Variants in ASAP2 observed in about 807,000 individuals in gnomAD.
ASAP2 encodes arf-GAP with SH3 domain, ANK repeat and PH domain-containing protein 2.
In ASAP2, 45 loss-of-function variants were observed where a neutral mutation model predicts 131.4. The ratio of observed to expected loss-of-function variants is 0.34; its 90% CI spans 0.27 to 0.44. ASAP2 has a LOEUF of 0.44. ASAP2 is among the 20% of genes least tolerant of loss of function. ASAP2 has a pLI of 1.00. For missense variants in ASAP2, 1,011 were observed against 1,297.0 expected (o/e 0.78, Z 3.39); for synonymous variants, 510 against 503.0 (o/e 1.01, Z -0.19).
chr2:9,249,858 A>G (rs991015739), intron 1 of ASAP2, among the ~76,000 whole-genome samples: 6 of 152,210 alleles, frequency 3.9e-5, no homozygotes, highest in African/African-American at 1.4e-4. Flanking sequence ...ACACTCTGCT[A>G]GGCTTCCAGA....
chr2:9,373,688 C>T (rs938872314), intron 16 of ASAP2, among the ~76,000 whole-genome samples: 1 of 152,204 alleles, frequency 6.6e-6, no homozygotes, highest in African/African-American at 2.4e-5. Context: ...GGGAACCGTG[C>T]GGGGACTCCA....
chr2:9,285,171 C>T (rs1235872823), intron 2 of ASAP2, among the ~76,000 whole-genome samples: 1 of 152,060 alleles, frequency 6.6e-6, no homozygotes, highest in Non-Finnish European at 1.5e-5. Context: ...TTTTTGAATC[C>T]CTGCATTAGA....
chr2:9,342,477 C>G (rs925634300), intron 9 of ASAP2, among the ~76,000 whole-genome samples: 1 of 152,152 alleles, frequency 6.6e-6, no homozygotes. Context: ...GAACTTGGTC[C>G]CTTACCTCAC....
chr2:9,294,294 C>T (rs1442781730), intron 2 of ASAP2, among the ~76,000 whole-genome samples: 5 of 152,088 alleles, frequency 3.3e-5, no homozygotes, highest in Admixed American at 6.5e-5. Context: ...CCACCGTGTC[C>T]GGCCACTAAT....
At chr2:9,304,732 G>A (rs114823318) in intron 3 of ASAP2, among the ~76,000 whole-genome samples, 6,396 of 137,704 alleles carry the variant, frequency 0.046, 317 homozygotes, top group African/African-American at 0.14. Context: ...GACTAGTGGG[G>A]TATAGGTATT....
At chr2:9,321,784 G>A (rs1382820913) in intron 5 of ASAP2, among the ~76,000 whole-genome samples, 1 of 152,178 alleles carries the variant, frequency 6.6e-6, no homozygotes, top group African/African-American at 2.4e-5. Flanking sequence ...GTAAAATCGA[G>A]ACACACATGG....
chr2:9,392,899 T>C lies in ASAP2; in HGVS notation c.2519-583T>C, dbSNP rs1226766370. ...CAGCCTCCCTCCAGGTCTTACCAGCTCTGCCACCCTTGACGAGAGCTCTTC... is the reference window on the plus strand; with the variant it reads ...CAGCCTCCCTCCAGGTCTTACCAGCCCTGCCACCCTTGACGAGAGCTCTTC... On this transcript the variant is annotated intron_variant, in intron 23 of 27. Transcript: ENST00000281419. The surrounding 1 kb of genome is among the most constrained non-coding windows in gnomAD (Gnocchi z 4.0). Among the ~76,000 whole-genome samples, 1 of 152,172 alleles carries C rather than the reference T, an allele frequency of 6.6e-6. No individual in the cohort carries two copies. The highest frequency in any genetic ancestry group is 1.5e-5 in the Non-Finnish European group (1 of 68,030).
intron 19 of ASAP2, among the ~76,000 whole-genome samples, chr2:9,379,641 G>T (rs1444846917): frequency 6.6e-6 from 1 of 152,060 alleles, no homozygotes; most frequent in African/African-American, 2.4e-5. Flanking sequence ...TTGAAGGACT[G>T]TTAAATAAAG....
intron 24 of ASAP2, chr2:9,399,746 C>T: frequency 2.0e-6 from 1 of 505,568 alleles, no homozygotes; most frequent in Non-Finnish European, 3.6e-6. Context: ...GGCCAGTGCC[C>T]AGCATCACTC....
intron 1 of ASAP2, among the ~76,000 whole-genome samples, chr2:9,251,912 A>G (rs1468621909): frequency 1.7e-4 from 25 of 151,144 alleles, no homozygotes; most frequent in Non-Finnish European, 2.7e-4. Flanking sequence ...GCCTGTGCCC[A>G]CATTGCTTTT....
intron 7 of ASAP2, among the ~76,000 whole-genome samples, chr2:9,330,715 G>A (rs1048822617): frequency 3.9e-5 from 6 of 152,158 alleles, no homozygotes; most frequent in Admixed American, 6.5e-5. Flanking sequence ...TAGGAAGTGG[G>A]TCGCTTCCTT....
intron 7 of ASAP2, among the ~76,000 whole-genome samples, chr2:9,328,854 G>A (rs1319990563): frequency 6.6e-6 from 1 of 152,216 alleles, no homozygotes; most frequent in Non-Finnish European, 1.5e-5. Context: ...GACTGAAAGA[G>A]ACAAATTTCT....
chr2:9,304,941 T>C (rs1488957495), intron 3 of ASAP2, among the ~76,000 whole-genome samples: 2 of 147,302 alleles, frequency 1.4e-5, no homozygotes, highest in Admixed American at 6.8e-5. Flanking sequence ...TAGTGAGGTA[T>C]AGATATTGGC....
chr2:9,368,343 A>G, intron 15 of ASAP2, 82 bp from the exon 16 acceptor site: 1 of 1,279,078 alleles, frequency 7.8e-7, no homozygotes, highest in Non-Finnish European at 1.1e-6. Flanking sequence ...CATTAAATAA[A>G]TCATCAGATG....
At chr2:9,208,398 T>A (rs1012836724) in intron 1 of ASAP2, among the ~76,000 whole-genome samples, 104 of 148,820 alleles carry the variant, frequency 7.0e-4, no homozygotes, top group Non-Finnish European at 1.2e-3. Context: ...AATGGCGTTA[T>A]TTTTTTTTTC....
chr2:9,323,005 C>A, intron 5 of ASAP2, 116 bp from the exon 6 acceptor site: 1 of 1,291,606 alleles, frequency 7.7e-7, no homozygotes, highest in Non-Finnish European at 1.1e-6. Context: ...GCTGCCTGTG[C>A]TGAAACGTGT....
At chr2:9,382,942 G>A (rs923293623) in intron 20 of ASAP2, among the ~76,000 whole-genome samples, 1 of 152,150 alleles carries the variant, frequency 6.6e-6, no homozygotes, top group Admixed American at 6.5e-5. Flanking sequence ...TGGGAGGACA[G>A]GAATTATTAC....
intron 19 of ASAP2, among the ~76,000 whole-genome samples, chr2:9,379,990 C>CAA (rs1242941951): frequency 2.4e-5 from 2 of 81,654 alleles, no homozygotes; most frequent in Admixed American, 1.3e-4. Context: ...GACTCCATCT[C>CAA]AAAAAAAAAA....
intron 19 of ASAP2, among the ~76,000 whole-genome samples, chr2:9,380,275 G>C (rs987041512): frequency 6.6e-6 from 1 of 152,082 alleles, no homozygotes; most frequent in Non-Finnish European, 1.5e-5. Flanking sequence ...TCGGCTCACT[G>C]CAACCTCTGC....
Sources: allele counts gnomAD v4.1 joint callset (sites outside exome capture counted in the v4.1 genomes callset), GRCh38; gene constraint gnomAD v4.1.1; non-coding constraint Gnocchi (gnomAD v3.1); transcripts MANE v1.5; gene names NCBI Gene and HGNC (gene_info 2026-07-23, HGNC 2026-07-21).